Variants in COG5 observed in about 807,000 individuals in gnomAD.
COG5 encodes the protein conserved oligomeric Golgi complex subunit 5.
In COG5, 86 loss-of-function variants were observed where a neutral mutation model predicts 110.4. The ratio of observed to expected loss-of-function variants is 0.78; its 90% CI spans 0.65 to 0.93. COG5 has a LOEUF of 0.93. Among genes scored for constraint, COG5 ranks in the 40% least tolerant of loss-of-function variants. COG5 has a pLI of 0.00. For synonymous variants in COG5, 360 were observed against 334.6 expected, an observed-to-expected ratio of 1.08 and a Z score of -0.83; for missense variants, 1,077 against 987.0, an observed-to-expected ratio of 1.09 and a Z score of -1.22.
At chr7:107,424,301 T>C (rs1202622766) in intron 6 of COG5, among the ~76,000 whole-genome samples, 1 of 151,858 alleles carries the variant, frequency 6.6e-6, no homozygotes, top group African/African-American at 2.4e-5. Context: ...ATAAAAAATG[T>C]AGGTTGGTGG....
At chr7:107,313,450 ACT>A (rs1808455883) in intron 11 of COG5, among the ~76,000 whole-genome samples, 1 of 152,120 alleles carries the variant, frequency 6.6e-6, no homozygotes, top group Non-Finnish European at 1.5e-5. Context: ...ATGTTGGAAA[ACT>A]CTCTGACAGT....
intron 21 of COG5, chr7:107,208,061 G>C: frequency 1.0e-6 from 1 of 985,412 alleles, no homozygotes; most frequent in Non-Finnish European, 1.2e-6. Context: ...TGATGCTTCA[G>C]TATGCAAGAA....
At chr7:107,394,171 G>C (rs919647116) in intron 7 of COG5, among the ~76,000 whole-genome samples, 7 of 151,776 alleles carry the variant, frequency 4.6e-5, no homozygotes, top group African/African-American at 1.4e-4. Flanking sequence ...CACTGTGTTA[G>C]CCAGCATGGT....
intron 21 of COG5, chr7:107,208,961 C>T: frequency 1.0e-6 from 1 of 982,092 alleles, no homozygotes; most frequent in Non-Finnish European, 1.2e-6. Context: ...TCTTGGGGAG[C>T]TATAGAGAAA....
intron 6 of COG5, among the ~76,000 whole-genome samples, chr7:107,465,573 C>T (rs538460104): frequency 1.1e-4 from 17 of 152,158 alleles, no homozygotes; most frequent in African/African-American, 4.1e-4. Flanking sequence ...AACAGCAGGA[C>T]TTTTTATAGA....
At chr7:107,278,353 T>C (rs574753360) in intron 14 of COG5, among the ~76,000 whole-genome samples, 1 of 152,196 alleles carries the variant, frequency 6.6e-6, no homozygotes, top group East Asian at 1.9e-4. Context: ...ACACGTGCCA[T>C]GGTGGTTTGC....
intron 6 of COG5, among the ~76,000 whole-genome samples, chr7:107,506,233 T>A (rs1798986266): frequency 1.3e-5 from 2 of 152,174 alleles, no homozygotes; most frequent in South Asian, 4.1e-4. Context: ...CAGGAAATGA[T>A]GTGTGCAAAA....
Position 107,201,627 on chromosome 7 carries a change from C to T in COG5, c.*1889G>A. ...CATTAGAGCATTAAGCTAAAACTAT[C>T]AACATTTTAAACCAAATTGCCTTAT... On this transcript the variant is annotated 3_prime_UTR_variant, in exon 22 of 22. Coordinates refer to ENST00000297135, the MANE Select transcript of COG5 (RefSeq NM_006348.5). 2.3e-6 allele frequency: 1 copy of T among 432,902 alleles called. No individual in the cohort carries two copies. Among genetic ancestry groups the T allele is most frequent in the Non-Finnish European group, 4.2e-6 (1 of 239,226 alleles). 26.8% of individuals were successfully genotyped at this position (432,902 alleles called of 1,614,324 possible).
chr7:107,454,837 A>G (rs1795562643), intron 6 of COG5, among the ~76,000 whole-genome samples: 1 of 152,136 alleles, frequency 6.6e-6, no homozygotes, highest in Admixed American at 6.5e-5. Context: ...CTAAAATTAA[A>G]AAGAAAAAAA....
At position 107,474,238 on chromosome 7, in the gene COG5, C is replaced by G; in HGVS notation, c.538+52999G>C. 1 of 1,612,928 alleles carries G rather than the reference C, an allele frequency of 6.2e-7. No homozygotes were observed. Among genetic ancestry groups the G allele is most frequent in the Non-Finnish European group, 8.5e-7 (1 of 1,179,184 alleles). ...AATTGTGTTGGGACTTGGCAGCAAC[C>G]TCACTGTATTGGTACTTTACTGCAT... is the stretch of plus-strand genomic sequence containing the variant. On this transcript the variant is annotated intron_variant, in intron 6 of 21. Coordinates refer to ENST00000297135, the MANE Select transcript of COG5 (RefSeq NM_006348.5). The surrounding 1 kb of genome is among the most constrained non-coding windows in gnomAD (Gnocchi z 5.7).
At chr7:107,311,174 G>T (rs1016607941) in intron 11 of COG5, among the ~76,000 whole-genome samples, 2 of 151,986 alleles carry the variant, frequency 1.3e-5, no homozygotes, top group Non-Finnish European at 2.9e-5. Flanking sequence ...ATATAATTTT[G>T]TTGAGAACTC....
At chr7:107,509,125 T>C (rs919683557) in intron 6 of COG5, among the ~76,000 whole-genome samples, 3 of 151,830 alleles carry the variant, frequency 2.0e-5, no homozygotes, top group East Asian at 1.9e-4. Flanking sequence ...TTCGAACCAA[T>C]GGCAAAGAAG....
chr7:107,231,325 A>G (rs1450371976), intron 18 of COG5, among the ~76,000 whole-genome samples: 1 of 152,220 alleles, frequency 6.6e-6, no homozygotes, highest in African/African-American at 2.4e-5. Flanking sequence ...AGCAATTATT[A>G]TCAGTGTTTA....
At chr7:107,339,351 T>C (rs536036964) in intron 10 of COG5, among the ~76,000 whole-genome samples, 5 of 152,166 alleles carry the variant, frequency 3.3e-5, no homozygotes, top group African/African-American at 9.6e-5. Flanking sequence ...CCACCCAACA[T>C]TGGGGCACAT....
intron 3 of COG5, among the ~76,000 whole-genome samples, chr7:107,552,768 A>G (rs541987534): frequency 4.3e-4 from 65 of 152,324 alleles, no homozygotes; most frequent in African/African-American, 1.4e-3. Context: ...TACTGGATAT[A>G]TATTCAAAAG....
intron 5 of COG5, among the ~76,000 whole-genome samples, chr7:107,544,694 G>A (rs1234912751): frequency 6.6e-6 from 1 of 152,186 alleles, no homozygotes; most frequent in Non-Finnish European, 1.5e-5. Context: ...AAAGAGTGGA[G>A]TAAGTTCCTA....
At chr7:107,313,921 T>G (rs1348940806) in intron 11 of COG5, among the ~76,000 whole-genome samples, 1 of 152,206 alleles carries the variant, frequency 6.6e-6, no homozygotes, top group Non-Finnish European at 1.5e-5. Context: ...TTTCCATTTT[T>G]GAGTTAATTT....
intron 7 of COG5, 96 bp downstream of exon 7, chr7:107,412,406 C>CTATAAGACATATATA: frequency 8.6e-7 from 1 of 1,166,148 alleles, no homozygotes; most frequent in Non-Finnish European, 1.3e-6. Flanking sequence ...TGATATATTA[C>CTATAAGACATATATA]TATAAGACAT....
chr7:107,376,969 T>C (rs1467583415), intron 7 of COG5, among the ~76,000 whole-genome samples: 1 of 152,166 alleles, frequency 6.6e-6, no homozygotes, highest in Admixed American at 6.5e-5. Flanking sequence ...GTGGCTACAT[T>C]TACTAACACT....
Sources: allele counts gnomAD v4.1 joint callset (sites outside exome capture counted in the v4.1 genomes callset), GRCh38; gene constraint gnomAD v4.1.1; non-coding constraint Gnocchi (gnomAD v3.1); transcripts MANE v1.5; gene names NCBI Gene and HGNC (gene_info 2026-07-23, HGNC 2026-07-21).